Variants in KCNN3 observed in about 807,000 individuals in gnomAD.
KCNN3 encodes potassium calcium-activated channel subfamily N member 3.
Under a neutral mutation model 62.9 loss-of-function variants are expected in KCNN3, and 16 were observed. The ratio of observed to expected loss-of-function variants is 0.25; its 90% CI spans 0.17 to 0.39. The LOEUF (loss-of-function observed/expected upper bound fraction) is 0.39. Among genes scored for constraint, KCNN3 ranks in the 10% least tolerant of loss-of-function variants. KCNN3 has a pLI of 1.00. For missense variants in KCNN3, 599 were observed against 949.4 expected, an observed-to-expected ratio of 0.63 and a Z score of 4.85; for synonymous variants, 370 against 389.2, an observed-to-expected ratio of 0.95 and a Z score of 0.58.
In KCNN3 at chr1:154,813,714, A is replaced by G. The variant is rs572103238; in HGVS notation, c.1029+8375T>C. Among the ~76,000 whole-genome samples the G allele has an allele frequency of 3.9e-4, 60 of 152,300 alleles. 1 individual carries two copies. In the East Asian group the frequency reaches 0.011, roughly 28 times the overall value. On this transcript the variant is annotated intron_variant, in intron 2 of 7. Transcript: ENST00000271915. ...GCTTTTCACACCTGTTAATGGACAC[A>G]GCACCACCCAGTGAGAGCATGATCC...
chr1:154,801,689 T>C (rs1432477361), intron 2 of KCNN3, among the ~76,000 whole-genome samples: 2 of 152,220 alleles, frequency 1.3e-5, no homozygotes, highest in East Asian at 1.9e-4. Flanking sequence ...ATAGCAGGAA[T>C]CCAGGGGGAG....
At chr1:154,723,925 G>A (rs775196488) in intron 5 of KCNN3, among the ~76,000 whole-genome samples, 27 of 152,244 alleles carry the variant, frequency 1.8e-4, no homozygotes, top group Non-Finnish European at 3.7e-4. Flanking sequence ...GGCTGAAAGA[G>A]AGTGGCCAAG....
chr1:154,855,702 G>A (rs1217230085), intron 1 of KCNN3, among the ~76,000 whole-genome samples: 2 of 152,302 alleles, frequency 1.3e-5, no homozygotes, highest in Admixed American at 6.5e-5. Flanking sequence ...TCGTTGCAAC[G>A]CATGACTGTA....
intron 2 of KCNN3, among the ~76,000 whole-genome samples, chr1:154,797,469 A>AG (rs1315036131): frequency 1.3e-5 from 2 of 152,210 alleles, no homozygotes; most frequent in African/African-American, 4.8e-5. Context: ...TAACTTTCAG[A>AG]GGTCGCCCTT....
chr1:154,767,814 C>T (rs898986678), intron 3 of KCNN3, among the ~76,000 whole-genome samples: 9 of 152,198 alleles, frequency 5.9e-5, no homozygotes, highest in East Asian at 1.9e-4. Context: ...AGCAACCAGG[C>T]GCTGCCCTCC....
chr1:154,797,345 G>A (rs927782112), intron 2 of KCNN3, among the ~76,000 whole-genome samples: 3 of 152,248 alleles, frequency 2.0e-5, no homozygotes, highest in African/African-American at 7.2e-5. Flanking sequence ...CTGACTGGCT[G>A]TGTGATTTTG....
intron 2 of KCNN3, among the ~76,000 whole-genome samples, chr1:154,779,831 AG>A (rs1648949079): frequency 6.6e-6 from 1 of 152,236 alleles, no homozygotes; most frequent in South Asian, 2.1e-4. Flanking sequence ...TCAGTTATTC[AG>A]GGATTCTTCA....
intron 1 of KCNN3, among the ~76,000 whole-genome samples, chr1:154,863,847 GTGA>G (rs922574795): frequency 6.6e-6 from 1 of 152,218 alleles, no homozygotes; most frequent in African/African-American, 2.4e-5. Context: ...GTCCGGATGT[GTGA>G]TGAAGTCTTT....
At chr1:154,731,393 T>C (rs1199587304) in intron 4 of KCNN3, among the ~76,000 whole-genome samples, 1 of 152,240 alleles carries the variant, frequency 6.6e-6, no homozygotes, top group Non-Finnish European at 1.5e-5. Context: ...TGCCTGCTAA[T>C]AGGGACCTGC....
intron 3 of KCNN3, among the ~76,000 whole-genome samples, chr1:154,760,360 G>A (rs1001868685): frequency 1.3e-5 from 2 of 150,408 alleles, no homozygotes; most frequent in Non-Finnish European, 3.0e-5. Flanking sequence ...CTGAATACGA[G>A]ATCACAGAAC....
intron 1 of KCNN3, among the ~76,000 whole-genome samples, chr1:154,854,679 A>G (rs1652445507): frequency 6.6e-6 from 1 of 152,244 alleles, no homozygotes; most frequent in Admixed American, 6.5e-5. Context: ...TACAATTATA[A>G]TGGAGCTGAA....
chr1:154,834,086 G>T (rs566180601), intron 1 of KCNN3, among the ~76,000 whole-genome samples: 3 of 152,350 alleles, frequency 2.0e-5, no homozygotes, highest in African/African-American at 7.2e-5. Flanking sequence ...TGATAGAAGT[G>T]GTGGAGACCA....
chr1:154,852,505 T>C (rs1489648253), intron 1 of KCNN3, among the ~76,000 whole-genome samples: 1 of 152,070 alleles, frequency 6.6e-6, no homozygotes, highest in African/African-American at 2.4e-5. Context: ...TCAGCCACCA[T>C]GCCCAGCAAG....
At chr1:154,748,273 GC>G (rs937911785) in intron 3 of KCNN3, among the ~76,000 whole-genome samples, 1 of 152,098 alleles carries the variant, frequency 6.6e-6, no homozygotes, top group African/African-American at 2.4e-5. Context: ...CCCGCCCGGG[GC>G]CCTCAGTCTG....
At chr1:154,852,741 G>A (rs1041690083) in intron 1 of KCNN3, among the ~76,000 whole-genome samples, 6 of 152,104 alleles carry the variant, frequency 3.9e-5, no homozygotes, top group African/African-American at 1.4e-4. Context: ...TTATTAACAT[G>A]TATAATTCTA....
Position 154,708,150 on chromosome 1 carries a change from C to A in KCNN3, c.2022G>T (p.Pro674=), listed in dbSNP as rs748347248. The change falls in exon 8 of 8, where the codon CCG becomes CCT. Residue 674 remains proline, a synonymous_variant. Transcript: ENST00000271915. ...GGCGCAGGGTGTCGGCGATGAGCAG[C>A]GGCAGGGAGTTGAAGCTGGCGGTGA... ...EHLTASFNSL[P]LLIADTLRQQ... The A allele has an allele frequency of 5.6e-6, 9 of 1,613,588 alleles. No individual in the cohort carries two copies. The Admixed American group carries it at 1.5e-4, about 27-fold the overall frequency.
intron 1 of KCNN3, among the ~76,000 whole-genome samples, chr1:154,849,458 A>G (rs931357055): frequency 4.6e-5 from 7 of 152,216 alleles, no homozygotes; most frequent in African/African-American, 1.7e-4. Context: ...CTGACTAAGC[A>G]TGCTTCCCAT....
At chr1:154,818,379 C>G (rs946317361) in intron 2 of KCNN3, among the ~76,000 whole-genome samples, 2 of 152,210 alleles carry the variant, frequency 1.3e-5, no homozygotes, top group Non-Finnish European at 2.9e-5. Context: ...AGGGCAGCCT[C>G]TCCCAGGGGG....
chr1:154,734,410 G>A (rs182154449), intron 3 of KCNN3, among the ~76,000 whole-genome samples: 2 of 152,284 alleles, frequency 1.3e-5, no homozygotes, highest in Non-Finnish European at 2.9e-5. Context: ...CTTAATCTAT[G>A]GAAGTCAGTT....
Sources: allele counts gnomAD v4.1 joint callset (sites outside exome capture counted in the v4.1 genomes callset), GRCh38; gene constraint gnomAD v4.1.1; transcripts MANE v1.5; gene names NCBI Gene and HGNC (gene_info 2026-07-23, HGNC 2026-07-21).